AGPAT4: variants seen among roughly 807,000 people sequenced by gnomAD.
AGPAT4 encodes the protein 1-acylglycerol-3-phosphate O-acyltransferase 4, also known as 1-acyl-sn-glycerol-3-phosphate acyltransferase delta.
In AGPAT4, 15 loss-of-function variants were observed where a neutral mutation model predicts 48.0. The ratio of observed to expected loss-of-function variants is 0.31; its 90% CI spans 0.21 to 0.48. The LOEUF is 0.48. AGPAT4 is among the 20% of genes least tolerant of loss of function. The probability of loss-of-function intolerance (pLI) is 0.99; values close to 1 mark genes in which losing one functional copy is unlikely to be tolerated. For synonymous variants in AGPAT4, 178 were observed against 198.7 expected, an observed-to-expected ratio of 0.90 and a Z score of 0.88; for missense variants, 314 against 482.5, an observed-to-expected ratio of 0.65 and a Z score of 3.27.
At position 161,212,547 on chromosome 6, in the gene AGPAT4, T is replaced by C. The variant is rs1781548146; in HGVS notation, c.178+19489A>G. On this transcript the variant is annotated intron_variant, in intron 2 of 8. Transcript: ENST00000320285. The surrounding 1 kb of genome is among the most constrained non-coding windows in gnomAD (Gnocchi z 6.1). Reference sequence around the variant, plus strand: ...AAATACGAAATGGTGTTTGGTTTCCTTTAGGTTGTATTTGTATAAATATGT... The same window carrying C: ...AAATACGAAATGGTGTTTGGTTTCCCTTAGGTTGTATTTGTATAAATATGT... Among the ~76,000 whole-genome samples the C allele has an allele frequency of 6.6e-6, 1 of 152,194 alleles. No individual in the cohort carries two copies. Among genetic ancestry groups the C allele is most frequent in the South Asian group, 2.1e-4 (1 of 4,828 alleles).
intron 1 of AGPAT4, among the ~76,000 whole-genome samples, chr6:161,241,033 G>A (rs1443896617): frequency 6.6e-6 from 1 of 152,076 alleles, no homozygotes; most frequent in African/African-American, 2.4e-5. Context: ...GGGAAGCCGA[G>A]GTGGGTGGAT....
chr6:161,154,232 A>G lies in AGPAT4; in HGVS notation c.427T>C (p.Phe143Leu). Residue 143 changes from phenylalanine (F) to leucine (L), a missense_variant, in exon 4 of 9, where the codon TTC (phenylalanine) becomes CTC (leucine). Coordinates refer to ENST00000320285, the MANE Select transcript of AGPAT4 (RefSeq NM_020133.3). The surrounding 1 kb of genome is among the most constrained non-coding windows in gnomAD (Gnocchi z 7.8). The part of the protein sequence containing the change: ...GWMWYFTEMV[F>L]CSRKWEQDRK... Reference sequence around the variant, plus strand: ...TCCTGCTCCCACTTGCGCGAACAGAAGACCATCTCGGTGAAGTACCACATC... The same window carrying G: ...TCCTGCTCCCACTTGCGCGAACAGAGGACCATCTCGGTGAAGTACCACATC... 3 of 1,614,180 alleles carry G rather than the reference A, an allele frequency of 1.9e-6. No homozygotes were observed.
chr6:161,192,031 A>G (rs1473115795), intron 2 of AGPAT4, among the ~76,000 whole-genome samples: 2 of 118,926 alleles, frequency 1.7e-5, no homozygotes, highest in Non-Finnish European at 1.7e-5. Flanking sequence ...TATTTTGTGC[A>G]TTCCTTTTTT....
rs947017449 is a variant in AGPAT4 at position 161,200,699 on chromosome 6, C to T, written c.178+31337G>A. Among the ~76,000 whole-genome samples, 4 of 152,150 alleles carry T rather than the reference C, an allele frequency of 2.6e-5. No homozygotes were observed. The South Asian group carries it at 6.2e-4, about 24-fold the overall frequency. Reference sequence around the variant, plus strand: ...CCCTCCTCTGCTCTTTGTAAAGAATCGGGGACAAACAAGTGACATATTGGA... The same window carrying T: ...CCCTCCTCTGCTCTTTGTAAAGAATTGGGGACAAACAAGTGACATATTGGA... On this transcript the variant is annotated intron_variant, in intron 2 of 8. Transcript: ENST00000320285. The surrounding 1 kb of genome is among the most constrained non-coding windows in gnomAD (Gnocchi z 5.5).
rs1461645245 is a variant in AGPAT4, at chr6:161,244,350, G to A, written c.-89-12048C>T. Among the ~76,000 whole-genome samples the A allele has an allele frequency of 6.6e-6, 1 of 152,134 alleles. No individual in the cohort carries two copies. Among genetic ancestry groups the A allele is most frequent in the African/African-American group, 2.4e-5 (1 of 41,428 alleles). On this transcript the variant is annotated intron_variant, in intron 1 of 8. Transcript: ENST00000320285. The surrounding 1 kb of genome is among the most constrained non-coding windows in gnomAD (Gnocchi z 4.7). Reference sequence around the variant, plus strand: ...ACCAGCAAATCATGGCACCAAAGAAGACTTTTTAATAAAATCTGATCTTTA... The same window carrying A: ...ACCAGCAAATCATGGCACCAAAGAAAACTTTTTAATAAAATCTGATCTTTA...
chr6:161,243,920 T>C lies in AGPAT4; in HGVS notation c.-89-11618A>G, dbSNP rs770942740. Among the ~76,000 whole-genome samples the C allele has an allele frequency of 6.6e-6, 1 of 152,232 alleles. No homozygotes were observed. Among genetic ancestry groups the C allele is most frequent in the Non-Finnish European group, 1.5e-5 (1 of 68,044 alleles). On this transcript the variant is annotated intron_variant, in intron 1 of 8. Transcript: ENST00000320285. This position sits in a 1 kb window ranked among gnomAD's most constrained non-coding sequence, Gnocchi z 4.8. Reference sequence around the variant, plus strand: ...AGCCCACTCACAAGTTTTAATGAAATGATTATGTCCTTATTCCCAGCCCAG... The same window carrying C: ...AGCCCACTCACAAGTTTTAATGAAACGATTATGTCCTTATTCCCAGCCCAG...
At chr6:161,210,630 A>T (rs1781497262) in intron 2 of AGPAT4, among the ~76,000 whole-genome samples, 1 of 152,238 alleles carries the variant, frequency 6.6e-6, no homozygotes, top group African/African-American at 2.4e-5. Flanking sequence ...CTTAACTAAT[A>T]TATTTAATAA....
At chr6:161,211,977 T>C (rs1222866128) in intron 2 of AGPAT4, among the ~76,000 whole-genome samples, 2 of 152,140 alleles carry the variant, frequency 1.3e-5, no homozygotes, top group African/African-American at 4.8e-5. Flanking sequence ...TGCATGAGAT[T>C]GTAAAGGTCG....
chr6:161,207,685 G>A (rs1444987391), intron 2 of AGPAT4, among the ~76,000 whole-genome samples: 6 of 152,216 alleles, frequency 3.9e-5, no homozygotes, highest in Admixed American at 3.3e-4. Context: ...GTTAGAAAGC[G>A]ATATTCCTTT....
Position 161,166,527 on chromosome 6 carries a change from G to A in AGPAT4, c.179-110C>T, listed in dbSNP as rs113585980. The A allele has an allele frequency of 4.4e-4, 589 of 1,328,700 alleles. 2 individuals carry two copies. The African/African-American group carries it at 7.9e-3, about 18-fold the overall frequency. 82.3% of individuals were successfully genotyped at this position (1,328,700 alleles called of 1,614,324 possible). ...GCTAGGGGAGAAAGCAACTTCTACG[G>A]GCAAAGTTCTGGATCGTTGCAGCAC... On this transcript the variant is annotated intron_variant, in intron 2 of 8. Transcript: ENST00000320285. The surrounding 1 kb of genome is among the most constrained non-coding windows in gnomAD (Gnocchi z 6.7).
rs1781077053 is a variant in AGPAT4, at chr6:161,196,765, T to C, written c.179-30348A>G. 6.7e-6 allele frequency among the ~76,000 whole-genome samples: 1 copy of C among 148,632 alleles called. No homozygotes were observed. Among genetic ancestry groups the C allele is most frequent in the Non-Finnish European group, 1.5e-5 (1 of 67,620 alleles). ...CGGAGATTGCAGTGAGCCGAGATCG[T>C]GCTACTGTACTCCAGCCTAGGCAAC... On this transcript the variant is annotated intron_variant, in intron 2 of 8. Coordinates refer to ENST00000320285, the MANE Select transcript of AGPAT4 (RefSeq NM_020133.3). The surrounding 1 kb of genome is among the most constrained non-coding windows in gnomAD (Gnocchi z 4.3).
chr6:161,143,520 G>A lies in AGPAT4; in HGVS notation c.843+3004C>T, dbSNP rs116003125. ...GTTCACCCCATACAATTAAGAAACC[G>A]TGATGGCTATCGTGACCTCCCTGGA... is the stretch of plus-strand genomic sequence containing the variant. On this transcript the variant is annotated intron_variant, in intron 7 of 8. Transcript: ENST00000320285. This position sits in a 1 kb window ranked among gnomAD's most constrained non-coding sequence, Gnocchi z 4.7. 0.019 allele frequency among the ~76,000 whole-genome samples: 2,951 copies of A among 152,296 alleles called. 89 individuals are homozygous for A. The highest frequency in any genetic ancestry group is 0.067 in the African/African-American group (2,779 of 41,560).
In AGPAT4 at chr6:161,161,167, C is replaced by G. The variant is rs532865454; in HGVS notation, c.348+5081G>C. On this transcript the variant is annotated intron_variant, in intron 3 of 8. Transcript: ENST00000320285. This position sits in a 1 kb window ranked among gnomAD's most constrained non-coding sequence, Gnocchi z 4.6. ...GCTTTATGAGCGGTGGGATCAGACT[C>G]TGGCTTGTTAAAGACACTGCCAGAG... 1.5e-3 allele frequency: 694 copies of G among 456,722 alleles called. 11 individuals are homozygous for G. The highest frequency in any genetic ancestry group is 0.011 in the South Asian group (686 of 64,576). The allele number at this position is 456,722 out of a possible 1,614,324, so 28.3% of individuals were successfully genotyped here. A position where few individuals can be genotyped will look rare whatever the true frequency, so the allele number is the denominator to read the frequency against.
intron 2 of AGPAT4, among the ~76,000 whole-genome samples, chr6:161,185,925 A>G (rs1780755153): frequency 6.6e-6 from 1 of 152,224 alleles, no homozygotes; most frequent in South Asian, 2.1e-4. Flanking sequence ...AATACTTTGC[A>G]TTTCAATGCC....
chr6:161,199,016 T>C lies in AGPAT4; in HGVS notation c.179-32599A>G, dbSNP rs560141231. 6.6e-5 allele frequency among the ~76,000 whole-genome samples: 10 copies of C among 152,124 alleles called. No homozygotes were observed. In the South Asian group the frequency reaches 2.1e-3, roughly 32 times the overall value. ...ATAAGCCTTTGGGACAGATTACGTA[T>C]ACTAATTCTAAAGAACATCTGGATA... On this transcript the variant is annotated intron_variant, in intron 2 of 8. Coordinates refer to ENST00000320285, the MANE Select transcript of AGPAT4 (RefSeq NM_020133.3).
rs1359558317 is a variant in AGPAT4 at position 161,139,445 on chromosome 6, C to G, written c.1019G>C (p.Ser340Thr). ...ACCCACAAAGAAGACGAGGATGAAGCTGGCCAGCGTCAGGGAAGACCCGCT... is the reference window on the plus strand; with the variant it reads ...ACCCACAAAGAAGACGAGGATGAAGGTGGCCAGCGTCAGGGAAGACCCGCT... Reference protein sequence around the residue: ...IRSGSSLTLASFILVFFVASV... With the variant: ...IRSGSSLTLATFILVFFVASV... Residue 340 changes from serine (S) to threonine (T), a missense_variant, in exon 8 of 9, where the codon AGC (serine) becomes ACC (threonine). Coordinates refer to ENST00000320285, the MANE Select transcript of AGPAT4 (RefSeq NM_020133.3). This position sits in a 1 kb window ranked among gnomAD's most constrained non-coding sequence, Gnocchi z 9.1. 1 of 1,614,012 alleles carries G rather than the reference C, an allele frequency of 6.2e-7. No individual in the cohort carries two copies. The highest frequency in any genetic ancestry group is 8.5e-7 in the Non-Finnish European group (1 of 1,179,990).
chr6:161,249,030 A>G lies in AGPAT4; in HGVS notation c.-89-16728T>C, dbSNP rs767681262. On this transcript the variant is annotated intron_variant, in intron 1 of 8. Coordinates refer to ENST00000320285, the MANE Select transcript of AGPAT4 (RefSeq NM_020133.3). This position sits in a 1 kb window ranked among gnomAD's most constrained non-coding sequence, Gnocchi z 6.2. Reference sequence around the variant, plus strand: ...AAGGCCACACACCTACAACTATCTTATCTTCAACAAAGCTGACAAAAACAA... The same window carrying G: ...AAGGCCACACACCTACAACTATCTTGTCTTCAACAAAGCTGACAAAAACAA... Among the ~76,000 whole-genome samples the G allele has an allele frequency of 1.2e-4, 18 of 152,198 alleles. No homozygotes were observed. Among genetic ancestry groups the G allele is most frequent in the Non-Finnish European group, 2.1e-4 (14 of 68,044 alleles).
chr6:161,163,198 C>T (rs990045296), intron 3 of AGPAT4, among the ~76,000 whole-genome samples: 4 of 152,242 alleles, frequency 2.6e-5, no homozygotes, highest in African/African-American at 9.6e-5. Context: ...TTTAAAAATG[C>T]CACCTTCGTG....
chr6:161,213,734 G>C (rs1267155130), intron 2 of AGPAT4, among the ~76,000 whole-genome samples: 1 of 152,086 alleles, frequency 6.6e-6, no homozygotes, highest in Non-Finnish European at 1.5e-5. Flanking sequence ...TCTTTTGCTT[G>C]TTGTTGTTTG....
Sources: allele counts gnomAD v4.1 joint callset (sites outside exome capture counted in the v4.1 genomes callset), GRCh38; gene constraint gnomAD v4.1.1; non-coding constraint Gnocchi (gnomAD v3.1); transcripts MANE v1.5; gene names NCBI Gene and HGNC (gene_info 2026-07-23, HGNC 2026-07-21).